Variants in ZDHHC14 observed in about 807,000 individuals in gnomAD.
ZDHHC14 encodes zDHHC palmitoyltransferase 14, also known as palmitoyltransferase ZDHHC14.
ZDHHC14 carries 16 observed loss-of-function variants against 47.7 expected under a neutral mutation model. The ratio of observed to expected loss-of-function variants is 0.34; its 90% CI spans 0.23 to 0.51. The LOEUF (loss-of-function observed/expected upper bound fraction) is 0.51. ZDHHC14 is among the 20% of genes least tolerant of loss of function. The probability of loss-of-function intolerance (pLI) is 0.97; values close to 1 mark genes in which losing one functional copy is unlikely to be tolerated. For synonymous variants in ZDHHC14, 293 were observed against 278.9 expected (o/e 1.05, Z -0.50); for missense variants, 515 against 662.5 (o/e 0.78, Z 2.44).
intron 2 of ZDHHC14, among the ~76,000 whole-genome samples, chr6:157,585,412 A>G (rs1170007690): frequency 1.5e-5 from 2 of 134,878 alleles, no homozygotes; most frequent in Non-Finnish European, 3.2e-5. Context: ...AACCAAAAAT[A>G]CAAAAAAAAA....
At chr6:157,613,447 C>T (rs905162030) in intron 3 of ZDHHC14, among the ~76,000 whole-genome samples, 2 of 152,150 alleles carry the variant, frequency 1.3e-5, no homozygotes, top group African/African-American at 2.4e-5. Context: ...TGGAATAAAG[C>T]GTAATTAGAG....
intron 1 of ZDHHC14, among the ~76,000 whole-genome samples, chr6:157,527,998 A>C (rs1290442917): frequency 6.6e-6 from 1 of 152,130 alleles, no homozygotes; most frequent in Non-Finnish European, 1.5e-5. Context: ...GCACTTATTT[A>C]ATTGATTGTA....
intron 2 of ZDHHC14, among the ~76,000 whole-genome samples, chr6:157,551,532 G>T (rs570969052): frequency 2.0e-5 from 3 of 152,158 alleles, no homozygotes; most frequent in Non-Finnish European, 4.4e-5. Flanking sequence ...TGTCAGCATC[G>T]CCTGGGAGTT....
intron 3 of ZDHHC14, among the ~76,000 whole-genome samples, chr6:157,605,631 C>A (rs1024600321): frequency 3.9e-5 from 6 of 152,160 alleles, no homozygotes; most frequent in African/African-American, 1.4e-4. Flanking sequence ...CATAACGGTT[C>A]ATGGACTTAG....
At chr6:157,531,108 C>G (rs1217550097) in intron 1 of ZDHHC14, among the ~76,000 whole-genome samples, 2 of 152,158 alleles carry the variant, frequency 1.3e-5, no homozygotes, top group African/African-American at 2.4e-5. Flanking sequence ...ATTGCTTCAC[C>G]TGCATGACGA....
chr6:157,385,248 C>T (rs1303486300), intron 1 of ZDHHC14, among the ~76,000 whole-genome samples: 2 of 151,928 alleles, frequency 1.3e-5, no homozygotes, highest in Admixed American at 6.6e-5. Context: ...ACCACCACAC[C>T]CAGCCAAGTT....
chr6:157,657,698 C>A (rs189250042), intron 8 of ZDHHC14, among the ~76,000 whole-genome samples: 9 of 152,330 alleles, frequency 5.9e-5, no homozygotes, highest in African/African-American at 1.7e-4. Context: ...AAGCACTACT[C>A]CGGATTTGGT....
At chr6:157,592,966 C>G in intron 2 of ZDHHC14, 22 bp from the exon 3 acceptor site, 1 of 1,602,966 alleles carries the variant, frequency 6.2e-7, no homozygotes, top group South Asian at 1.1e-5. Flanking sequence ...GGTGTGCGCT[C>G]TTTCTCTTCT....
chr6:157,561,723 G>A (rs1434116170), intron 2 of ZDHHC14, among the ~76,000 whole-genome samples: 3 of 152,126 alleles, frequency 2.0e-5, no homozygotes, highest in East Asian at 1.9e-4. Flanking sequence ...GTGCAGTGGC[G>A]TGATCATGGC....
At chr6:157,660,900 A>C (rs1407629221) in intron 8 of ZDHHC14, among the ~76,000 whole-genome samples, 2 of 152,240 alleles carry the variant, frequency 1.3e-5, no homozygotes, top group African/African-American at 2.4e-5. Context: ...TACATGGTCT[A>C]TTCAGAGAAA....
At chr6:157,431,473 G>A (rs1388812277) in intron 1 of ZDHHC14, among the ~76,000 whole-genome samples, 2 of 152,220 alleles carry the variant, frequency 1.3e-5, no homozygotes, top group African/African-American at 4.8e-5. Flanking sequence ...TGTTGGGAAA[G>A]AGTGAAGGAG....
intron 8 of ZDHHC14, among the ~76,000 whole-genome samples, chr6:157,663,960 C>T (rs191723030): frequency 4.2e-4 from 64 of 152,284 alleles, no homozygotes; most frequent in African/African-American, 1.4e-3. Context: ...CTAACAGAAA[C>T]GTCCTAATTT....
In ZDHHC14 at chr6:157,653,643, A is replaced by G. The variant is rs1372667460; in HGVS notation, c.1068+16A>G. Reference sequence around the variant, plus strand: ...GAGTGACATGGTAGGAGTGGGGGCCACTGCTCCCTGCGAGGGCTTCCCTTT... The same window carrying G: ...GAGTGACATGGTAGGAGTGGGGGCCGCTGCTCCCTGCGAGGGCTTCCCTTT... On this transcript the variant is annotated intron_variant, in intron 8 of 8. Coordinates refer to ENST00000359775, the MANE Select transcript of ZDHHC14 (RefSeq NM_024630.3). The G allele has an allele frequency of 3.7e-6, 6 of 1,609,736 alleles. No individual in the cohort carries two copies. Among genetic ancestry groups the G allele is most frequent in the East Asian group, 2.2e-5 (1 of 44,842 alleles).
intron 1 of ZDHHC14, among the ~76,000 whole-genome samples, chr6:157,423,240 G>A (rs1343636518): frequency 6.6e-6 from 1 of 152,186 alleles, no homozygotes; most frequent in African/African-American, 2.4e-5. Flanking sequence ...GATGAATGAA[G>A]CCCCACTGGC....
chr6:157,574,613 C>T (rs1453300502), intron 2 of ZDHHC14, among the ~76,000 whole-genome samples: 1 of 152,206 alleles, frequency 6.6e-6, no homozygotes, highest in Non-Finnish European at 1.5e-5. Flanking sequence ...GGGTTCCCTG[C>T]CTGAGCCAGA....
At chr6:157,578,385 G>A (rs1178456696) in intron 2 of ZDHHC14, among the ~76,000 whole-genome samples, 5 of 152,152 alleles carry the variant, frequency 3.3e-5, no homozygotes, top group African/African-American at 4.8e-5. Context: ...TAAGGAAGGG[G>A]CCCAGTTTCA....
intron 1 of ZDHHC14, among the ~76,000 whole-genome samples, chr6:157,412,038 A>C (rs1055685330): frequency 1.3e-5 from 2 of 150,976 alleles, no homozygotes; most frequent in African/African-American, 4.9e-5. Context: ...TCCTGGGTTC[A>C]AGCAATTCTC....
At chr6:157,465,833 G>C (rs1040973752) in intron 1 of ZDHHC14, among the ~76,000 whole-genome samples, 1 of 152,108 alleles carries the variant, frequency 6.6e-6, no homozygotes, top group African/African-American at 2.4e-5. Flanking sequence ...CCTGAGTCCA[G>C]GAGTTCAGGA....
chr6:157,381,941 C>T lies in ZDHHC14; in HGVS notation c.-81C>T. 1 of 975,038 alleles carries T rather than the reference C, an allele frequency of 1.0e-6. No individual in the cohort carries two copies. Among genetic ancestry groups the T allele is most frequent in the Non-Finnish European group, 1.2e-6 (1 of 825,672 alleles). The allele number at this position is 975,038 out of a possible 1,614,324, so 60.4% of individuals were successfully genotyped here. On this transcript the variant is annotated 5_prime_UTR_variant, in exon 1 of 9. Transcript: ENST00000359775. Reference sequence around the variant, plus strand: ...GCGGCTCGGGGGGCGGCCGGGCGGCCGGCGGCGGTCGTGGCTCGGCGGGGC... The same window carrying T: ...GCGGCTCGGGGGGCGGCCGGGCGGCTGGCGGCGGTCGTGGCTCGGCGGGGC...
Sources: gnomAD v4.1 joint callset for allele counts (sites outside exome capture counted in the v4.1 genomes callset) on GRCh38, gnomAD v4.1.1 for gene constraint, MANE v1.5 for transcripts, NCBI Gene and HGNC (gene_info 2026-07-23, HGNC 2026-07-21) for gene names.